Variants in PARN observed in about 807,000 individuals in gnomAD.
PARN encodes poly(A)-specific ribonuclease PARN.
In PARN, 71 loss-of-function variants were observed where a neutral mutation model predicts 102.8. The ratio of observed to expected loss-of-function variants is 0.69; its 90% confidence interval spans 0.57 to 0.84. PARN has a LOEUF of 0.84. Among genes scored for constraint, PARN ranks in the 40% least tolerant of loss-of-function variants. The pLI, the probability that PARN is intolerant of heterozygous loss-of-function variation, is 0.00. For missense variants in PARN, 782 were observed against 760.9 expected, an observed-to-expected ratio of 1.03 and a Z score of -0.33; for synonymous variants, 261 against 252.9, an observed-to-expected ratio of 1.03 and a Z score of -0.30.
At chr16:14,605,521 C>T (rs1189595513) in intron 10 of PARN, among the ~76,000 whole-genome samples, 1 of 151,150 alleles carries the variant, frequency 6.6e-6, no homozygotes, top group Non-Finnish European at 1.5e-5. Flanking sequence ...ATTAACAAAA[C>T]TTACATATAT....
intron 22 of PARN, among the ~76,000 whole-genome samples, chr16:14,447,354 C>T (rs193294199): frequency 1.2e-4 from 18 of 152,172 alleles, no homozygotes; most frequent in Admixed American, 2.6e-4. Context: ...AGAACAAATC[C>T]GTAAAGTAGC....
chr16:14,554,834 A>G (rs1375469399), intron 19 of PARN, among the ~76,000 whole-genome samples: 1 of 152,072 alleles, frequency 6.6e-6, no homozygotes, highest in Admixed American at 6.6e-5. Flanking sequence ...TAATATACTT[A>G]GTTAAAAAAA....
chr16:14,584,212 C>A (rs1031384128), intron 16 of PARN, 135 bp downstream of exon 16: 2 of 553,690 alleles, frequency 3.6e-6, no homozygotes, highest in South Asian at 2.7e-5. Flanking sequence ...ATTCAACACA[C>A]GGTACGTGCA....
chr16:14,599,595 C>A (rs959319821), intron 12 of PARN, among the ~76,000 whole-genome samples: 1 of 152,160 alleles, frequency 6.6e-6, no homozygotes, highest in Admixed American at 6.5e-5. Context: ...TCCTTACTTT[C>A]TTTTTCGACT....
intron 21 of PARN, among the ~76,000 whole-genome samples, chr16:14,515,662 A>G (rs1185101309): frequency 6.6e-6 from 1 of 152,220 alleles, no homozygotes; most frequent in Non-Finnish European, 1.5e-5. Context: ...AAGGCTAGGC[A>G]TGGTGGCTTG....
chr16:14,530,970 T>A (rs928627549), intron 21 of PARN, among the ~76,000 whole-genome samples: 20 of 151,132 alleles, frequency 1.3e-4, no homozygotes, highest in African/African-American at 4.6e-4. Flanking sequence ...CATGCATTCA[T>A]TCATTCATCC....
chr16:14,591,062 CAA>C (rs930756321), intron 13 of PARN, among the ~76,000 whole-genome samples: 1 of 152,002 alleles, frequency 6.6e-6, no homozygotes, highest in African/African-American at 2.4e-5. Flanking sequence ...TCAGCTTGGA[CAA>C]AAGAGTGAGA....
intron 21 of PARN, among the ~76,000 whole-genome samples, chr16:14,515,298 T>C (rs1272444912): frequency 4.6e-5 from 7 of 152,152 alleles, no homozygotes; most frequent in South Asian, 2.1e-4. Flanking sequence ...TAAACAGATG[T>C]CCCGAATATA....
At chr16:14,568,229 T>C (rs1321110467) in intron 18 of PARN, among the ~76,000 whole-genome samples, 3 of 151,064 alleles carry the variant, frequency 2.0e-5, no homozygotes, top group Admixed American at 6.6e-5. Flanking sequence ...TTTTTTTTTT[T>C]TGAGACGGAG....
rs1555502765 is a variant in PARN at position 14,582,296 on chromosome 16, G to A, written c.1082-5C>T. On this transcript the variant is annotated splice_region_variant and splice_polypyrimidine_tract_variant and intron_variant, in intron 16 of 23. Transcript: ENST00000437198. ...TTGGAAAACCTTCGGCACTTTCTAA[G>A]AAAAAAAAGGAAAAAGTTTTCCTCA... is the stretch of plus-strand genomic sequence containing the variant. The A allele has an allele frequency of 1.3e-6, 2 of 1,585,966 alleles. No individual in the cohort carries two copies. Among genetic ancestry groups the A allele is most frequent in the Admixed American group, 1.7e-5 (1 of 58,460 alleles).
chr16:14,541,290 A>G (rs1467501930), intron 21 of PARN, among the ~76,000 whole-genome samples: 13 of 151,508 alleles, frequency 8.6e-5, no homozygotes, highest in Admixed American at 8.5e-4. Flanking sequence ...ACAGGAAGTT[A>G]GAGAAGAAGA....
At chr16:14,502,755 A>G (rs1008696006) in intron 21 of PARN, among the ~76,000 whole-genome samples, 1 of 152,174 alleles carries the variant, frequency 6.6e-6, no homozygotes, top group Non-Finnish European at 1.5e-5. Context: ...TCTGAAGACA[A>G]GGAAGGTGTT....
At chr16:14,533,852 A>AGGTGTGTAGACAGG in intron 21 of PARN, among the ~76,000 whole-genome samples, 1 of 152,262 alleles carries the variant, frequency 6.6e-6, no homozygotes, top group Middle Eastern at 3.4e-3. Context: ...ACCACAAGAC[A>AGGTGTGTAGACAGG]CTGATTCCTT....
At chr16:14,546,990 G>A (rs1966986096) in intron 21 of PARN, among the ~76,000 whole-genome samples, 1 of 151,952 alleles carries the variant, frequency 6.6e-6, no homozygotes, top group African/African-American at 2.4e-5. Flanking sequence ...CTACTCAGGA[G>A]GCTGAGGCAG....
At chr16:14,557,637 G>A (rs1251517966) in intron 18 of PARN, among the ~76,000 whole-genome samples, 1 of 150,904 alleles carries the variant, frequency 6.6e-6, no homozygotes, top group Admixed American at 6.6e-5. Flanking sequence ...ATACTGTTCT[G>A]TTAATGTCAG....
chr16:14,606,647 C>A, intron 9 of PARN, 121 bp from the exon 10 acceptor site: 1 of 556,712 alleles, frequency 1.8e-6, no homozygotes, highest in South Asian at 2.6e-5. Flanking sequence ...AAATAATTAT[C>A]ACTACAATGG....
chr16:14,558,410 A>G (rs1246463909), intron 18 of PARN: 1 of 152,210 alleles, frequency 6.6e-6, no homozygotes, highest in African/African-American at 2.4e-5. Context: ...AGACAGGAGA[A>G]TCACTTGAAC....
At chr16:14,572,371 G>C (rs1368960943) in intron 18 of PARN, among the ~76,000 whole-genome samples, 1 of 151,970 alleles carries the variant, frequency 6.6e-6, no homozygotes. Context: ...CCCAAAATAA[G>C]TTGACACTGG....
chr16:14,490,052 G>C (rs1241641816), intron 21 of PARN, among the ~76,000 whole-genome samples: 4 of 152,180 alleles, frequency 2.6e-5, no homozygotes, highest in Admixed American at 6.5e-5. Context: ...CAGATACTTG[G>C]AGGGGTGAGG....
Sources: gnomAD v4.1 joint callset for allele counts (sites outside exome capture counted in the v4.1 genomes callset) on GRCh38, gnomAD v4.1.1 for gene constraint, MANE v1.5 for transcripts, NCBI Gene and HGNC (gene_info 2026-07-23, HGNC 2026-07-21) for gene names.